The following ZMPSTE24 variants were observed in gnomAD, a reference collection of about 807,000 sequenced individuals.
ZMPSTE24 encodes CAAX prenyl protease 1 homolog.
In ZMPSTE24, 48 loss-of-function variants were observed where a neutral mutation model predicts 56.7. The observed-to-expected ratio is 0.85, with a 90% CI of 0.67 to 1.08. The LOEUF is 1.08. Among genes scored for constraint, ZMPSTE24 ranks in the 50% least tolerant of loss-of-function variants. The pLI, the probability that ZMPSTE24 is intolerant of heterozygous loss-of-function variation, is 0.00. For synonymous variants in ZMPSTE24, 172 were observed against 195.2 expected (o/e 0.88, Z 0.99); for missense variants, 503 against 548.7 (o/e 0.92, Z 0.83).
rs575537154 is a variant in ZMPSTE24 at position 40,286,979 on chromosome 1, G to T, written c.1059+950G>T. ...ACTCCTGACCTCAGTTGATCCGCCT[G>T]CCTCAGCCTCCCAAATTGCTGGGAT... On this transcript the variant is annotated intron_variant, in intron 8 of 9. Coordinates refer to ENST00000372759, the MANE Select transcript of ZMPSTE24 (RefSeq NM_005857.5). 4.2e-3 allele frequency among the ~76,000 whole-genome samples: 634 copies of T among 151,740 alleles called. 7 individuals carry two copies. Among genetic ancestry groups the T allele is most frequent in the African/African-American group, 0.015 (618 of 41,380 alleles).
At chr1:40,278,283 G>A (rs1643690616) in intron 6 of ZMPSTE24, among the ~76,000 whole-genome samples, 1 of 151,992 alleles carries the variant, frequency 6.6e-6, no homozygotes. Flanking sequence ...ATGAATAACA[G>A]TAGTAGTATA....
intron 8 of ZMPSTE24, among the ~76,000 whole-genome samples, chr1:40,287,548 G>A (rs555560224): frequency 2.0e-5 from 3 of 151,820 alleles, no homozygotes; most frequent in East Asian, 2.0e-4. Flanking sequence ...GTGGTGGCAC[G>A]CCTGTAATCC....
At chr1:40,269,651 T>C (rs1643593281) in intron 4 of ZMPSTE24, among the ~76,000 whole-genome samples, 1 of 152,016 alleles carries the variant, frequency 6.6e-6, no homozygotes, top group Non-Finnish European at 1.5e-5. Flanking sequence ...TTTTTAGTAG[T>C]GACAGGGTCT....
At chr1:40,262,412 G>A (rs939174961) in intron 2 of ZMPSTE24, among the ~76,000 whole-genome samples, 4 of 152,142 alleles carry the variant, frequency 2.6e-5, no homozygotes, top group Non-Finnish European at 5.9e-5. Context: ...TTTCAATAAA[G>A]ACTTGGCTTT....
chr1:40,263,314 G>T (rs1643517007), intron 2 of ZMPSTE24, among the ~76,000 whole-genome samples: 1 of 152,188 alleles, frequency 6.6e-6, no homozygotes, highest in Non-Finnish European at 1.5e-5. Flanking sequence ...TTCATACATA[G>T]TTTTTATATG....
chr1:40,278,389 T>G (rs1203442271), intron 6 of ZMPSTE24, among the ~76,000 whole-genome samples: 1 of 151,360 alleles, frequency 6.6e-6, no homozygotes, highest in Non-Finnish European at 1.5e-5. Context: ...AAACCCCGTC[T>G]CTACTAAAAA....
intron 7 of ZMPSTE24, among the ~76,000 whole-genome samples, chr1:40,283,377 A>ACGCCTGTAAT (rs968497478): frequency 6.6e-6 from 1 of 152,048 alleles, no homozygotes; most frequent in Non-Finnish European, 1.5e-5. Flanking sequence ...ATGATAGCGC[A>ACGCCTGTAAT]CGCCTGTAAT....
intron 2 of ZMPSTE24, chr1:40,262,547 G>A: frequency 6.7e-6 from 1 of 149,948 alleles, no homozygotes; most frequent in Non-Finnish European, 1.5e-5. Flanking sequence ...TTTTTAAATA[G>A]ATGAAAGAGA....
At chr1:40,291,872 G>A (rs951821984) in intron 9 of ZMPSTE24, among the ~76,000 whole-genome samples, 5 of 140,918 alleles carry the variant, frequency 3.5e-5, no homozygotes, top group Admixed American at 7.6e-5. Context: ...ATGGAGTCTC[G>A]CTCTGTCTCC....
At chr1:40,267,179 T>G (rs1317741288) in intron 2 of ZMPSTE24, among the ~76,000 whole-genome samples, 2 of 152,104 alleles carry the variant, frequency 1.3e-5, no homozygotes, top group Non-Finnish European at 2.9e-5. Flanking sequence ...ACCATACAAT[T>G]CATATACCAT....
intron 6 of ZMPSTE24, among the ~76,000 whole-genome samples, chr1:40,272,967 C>T (rs1407812884): frequency 2.0e-5 from 3 of 152,114 alleles, no homozygotes; most frequent in Non-Finnish European, 2.9e-5. Flanking sequence ...ACTATTATAG[C>T]GCAAAAGCAG....
At chr1:40,285,196 T>C (rs569778115) in intron 7 of ZMPSTE24, among the ~76,000 whole-genome samples, 2 of 152,166 alleles carry the variant, frequency 1.3e-5, no homozygotes, top group East Asian at 3.9e-4. Flanking sequence ...TGATCTCAGC[T>C]CACTGCAGCC....
chr1:40,281,332 C>G lies in ZMPSTE24; in HGVS notation c.770-11C>G. The stretch of plus-strand genomic sequence containing the variant: ...AATTATATTCCATGCTTTGAACTGT[C>G]TTTTCCTTAGGATCTAAACGCTCTT... On this transcript the variant is annotated splice_polypyrimidine_tract_variant and intron_variant, in intron 6 of 9. Coordinates refer to ENST00000372759, the MANE Select transcript of ZMPSTE24 (RefSeq NM_005857.5). The G allele has an allele frequency of 6.2e-7, 1 of 1,613,778 alleles. No individual in the cohort carries two copies. Among genetic ancestry groups the G allele is most frequent in the Non-Finnish European group, 8.5e-7 (1 of 1,179,812 alleles).
Position 40,292,425 on chromosome 1 carries a change from C to G in ZMPSTE24, c.1204-20C>G, listed in dbSNP as rs770485965. The stretch of plus-strand genomic sequence containing the variant: ...CAAAGAGGTGGGCAGTGGCTAAAAC[C>G]CTTTCATTTTCTTTTTCAGGTTCTT... On this transcript the variant is annotated intron_variant, in intron 9 of 9. Transcript: ENST00000372759. 2.5e-6 allele frequency: 4 copies of G among 1,611,418 alleles called. No homozygotes were observed. In the South Asian group the frequency reaches 4.4e-5, roughly 18 times the overall value.
intron 4 of ZMPSTE24, 81 bp downstream of exon 4, chr1:40,268,616 ATAAT>A: frequency 2.2e-6 from 2 of 908,136 alleles, no homozygotes; most frequent in Non-Finnish European, 3.4e-6. Context: ...TAATTTAAAC[ATAAT>A]TTACTATTTC....
intron 4 of ZMPSTE24, 110 bp downstream of exon 4, chr1:40,268,645 G>A (rs1643581145): frequency 4.0e-6 from 3 of 756,504 alleles, no homozygotes; most frequent in Non-Finnish European, 6.3e-6. Flanking sequence ...TATGAATTGA[G>A]AAAAAAGGGA....
Position 40,285,924 on chromosome 1 carries a change from G to C in ZMPSTE24, c.955-1G>C. ...TTTATTTTTGATTTTTTTTTATTCA[G>C]AATAAGAAACAAGGATGTAAAAATG... On this transcript the variant is annotated splice_acceptor_variant, in intron 7 of 9. Transcript: ENST00000372759. LOFTEE classifies it high-confidence loss of function. The C allele has an allele frequency of 6.2e-7, 1 of 1,611,486 alleles. No homozygotes were observed. The highest frequency in any genetic ancestry group is 2.2e-5 in the East Asian group (1 of 44,824).
intron 8 of ZMPSTE24, 146 bp from the exon 9 acceptor site, chr1:40,290,708 C>T (rs558506238): frequency 1.4e-5 from 11 of 792,450 alleles, no homozygotes; most frequent in East Asian, 5.8e-5. Context: ...GTGATCCACC[C>T]GCCTTGGCCT....
intron 6 of ZMPSTE24, among the ~76,000 whole-genome samples, chr1:40,280,591 A>C (rs753210736): frequency 3.3e-5 from 5 of 151,836 alleles, no homozygotes; most frequent in African/African-American, 7.3e-5. Context: ...TGCCCGGCTA[A>C]TTTTTTGTAT....
Sources: allele counts gnomAD v4.1 joint callset (sites outside exome capture counted in the v4.1 genomes callset), GRCh38; gene constraint gnomAD v4.1.1; transcripts MANE v1.5; gene names NCBI Gene and HGNC (gene_info 2026-07-23, HGNC 2026-07-21).